The following PLEKHA5 variants were observed in gnomAD, a reference collection of about 807,000 sequenced individuals.
PLEKHA5 encodes the protein pleckstrin homology domain-containing family A member 5.
Under a neutral mutation model 181.9 loss-of-function variants are expected in PLEKHA5, and 55 were observed. That is an observed-to-expected ratio of 0.30 (90% confidence interval 0.24 to 0.38). The LOEUF (loss-of-function observed/expected upper bound fraction) is 0.38. Among genes scored for constraint, PLEKHA5 ranks in the 10% least tolerant of loss-of-function variants. The pLI, the probability that PLEKHA5 is intolerant of heterozygous loss-of-function variation, is 1.00. For synonymous variants in PLEKHA5, 535 were observed against 529.4 expected (o/e 1.01, Z -0.15); for missense variants, 1,432 against 1,549.5 (o/e 0.92, Z 1.27).
chr12:19,283,149 CAA>C (rs34391812), intron 11 of PLEKHA5, 129 bp from the exon 12 acceptor site: 4,405 of 200,632 alleles, frequency 0.022, no homozygotes, highest in East Asian at 0.053. Context: ...TCTTGTCTCC[CAA>C]AAAAAAAAAA....
intron 20 of PLEKHA5, among the ~76,000 whole-genome samples, chr12:19,331,098 A>G (rs1326659778): frequency 6.6e-6 from 1 of 152,154 alleles, no homozygotes; most frequent in Non-Finnish European, 1.5e-5. Context: ...CAGAAGTAAA[A>G]CAGTTTATTA....
chr12:19,259,915 A>C (rs1182931239), intron 6 of PLEKHA5, among the ~76,000 whole-genome samples: 2 of 152,006 alleles, frequency 1.3e-5, no homozygotes, highest in African/African-American at 4.8e-5. Flanking sequence ...GCTAGAAATA[A>C]ATTTAGAAAT....
At chr12:19,146,321 C>T (rs555569857) in intron 3 of PLEKHA5, among the ~76,000 whole-genome samples, 186 of 152,258 alleles carry the variant, frequency 1.2e-3, no homozygotes, top group Middle Eastern at 6.8e-3. Flanking sequence ...ATTTATTGCC[C>T]ATTTGAATCT....
intron 21 of PLEKHA5, among the ~76,000 whole-genome samples, chr12:19,340,859 G>A (rs2093853234): frequency 1.4e-5 from 2 of 147,334 alleles, no homozygotes; most frequent in African/African-American, 2.5e-5. Context: ...AGAGACCTTT[G>A]TTCACTTATC....
intron 20 of PLEKHA5, among the ~76,000 whole-genome samples, chr12:19,332,293 CCCT>C (rs1239605686): frequency 1.3e-5 from 2 of 152,086 alleles, no homozygotes; most frequent in African/African-American, 4.8e-5. Context: ...CTGCAGCAAT[CCCT>C]CCTCCTGCCC....
At chr12:19,152,881 G>A (rs1392314980) in intron 3 of PLEKHA5, 1 of 151,968 alleles carries the variant, frequency 6.6e-6, no homozygotes, top group South Asian at 2.1e-4. Flanking sequence ...TAATATGTGT[G>A]GCAAATTTAC....
At chr12:19,232,641 A>G (rs190947534) in intron 3 of PLEKHA5, among the ~76,000 whole-genome samples, 11 of 152,286 alleles carry the variant, frequency 7.2e-5, no homozygotes, top group Admixed American at 3.9e-4. Context: ...CTTTCTCATT[A>G]TAAATGGTCT....
chr12:19,209,388 T>C (rs559734497), intron 3 of PLEKHA5, among the ~76,000 whole-genome samples: 1 of 152,130 alleles, frequency 6.6e-6, no homozygotes, highest in African/African-American at 2.4e-5. Flanking sequence ...AAGGAAAAAA[T>C]AAATCTTGTT....
At chr12:19,132,741 G>A (rs1481611039) in intron 3 of PLEKHA5, among the ~76,000 whole-genome samples, 1 of 142,218 alleles carries the variant, frequency 7.0e-6, no homozygotes, top group East Asian at 2.0e-4. Context: ...TTTTGGAATC[G>A]TCCAGCTTCA....
rs748253554 is a variant in PLEKHA5, at chr12:19,287,505, A to C, written c.1812A>C (p.Pro604=). 3.7e-6 allele frequency: 6 copies of C among 1,612,112 alleles called. No individual in the cohort carries two copies. The South Asian group carries it at 5.5e-5, about 15-fold the overall frequency. ...HVYVPDRRSV[P]AGLTLQSVSP... Reference sequence around the variant, plus strand: ...ATGTGCCTGACAGAAGGTCAGTGCCAGCTGGCCTGACTTTACAGTCTGTTA... The same window carrying C: ...ATGTGCCTGACAGAAGGTCAGTGCCCGCTGGCCTGACTTTACAGTCTGTTA... The change falls in exon 13 of 32, where the codon CCA becomes CCC. Residue 604 remains proline (P), a synonymous_variant. Transcript: ENST00000429027.
chr12:19,186,117 T>C (rs1440630634), intron 3 of PLEKHA5, among the ~76,000 whole-genome samples: 2 of 152,166 alleles, frequency 1.3e-5, no homozygotes, highest in East Asian at 3.9e-4. Context: ...ATACTAATAA[T>C]AAGGCTAGTT....
intron 26 of PLEKHA5, among the ~76,000 whole-genome samples, chr12:19,354,888 A>G (rs1186539196): frequency 6.6e-6 from 1 of 152,130 alleles, no homozygotes; most frequent in Non-Finnish European, 1.5e-5. Flanking sequence ...CGTAGTCCAC[A>G]ATTTGTAGAA....
chr12:19,371,441 A>G (rs2095573441), intron 31 of PLEKHA5: 1 of 152,734 alleles, frequency 6.5e-6, no homozygotes, highest in Non-Finnish European at 1.5e-5. Context: ...TGTATGTTGT[A>G]CCCAATCCTT....
chr12:19,216,746 C>T (rs10841182), intron 3 of PLEKHA5, among the ~76,000 whole-genome samples: 127,351 of 151,692 alleles, frequency 0.84, 54,863 homozygotes, highest in Non-Finnish European at 0.95. Flanking sequence ...GGCTAAGAAC[C>T]GTTATTAGGA....
intron 10 of PLEKHA5, among the ~76,000 whole-genome samples, chr12:19,271,890 T>G (rs1296091682): frequency 6.6e-6 from 1 of 152,216 alleles, no homozygotes; most frequent in Non-Finnish European, 1.5e-5. Flanking sequence ...ATGTGTTTTC[T>G]TCTACTCCTA....
At chr12:19,217,169 T>C (rs2058121792) in intron 3 of PLEKHA5, among the ~76,000 whole-genome samples, 2 of 152,212 alleles carry the variant, frequency 1.3e-5, no homozygotes, top group Admixed American at 1.3e-4. Flanking sequence ...AAGGGATACA[T>C]GGGGTTTTTC....
At chr12:19,163,378 T>C (rs1418074804) in intron 3 of PLEKHA5, among the ~76,000 whole-genome samples, 1 of 152,014 alleles carries the variant, frequency 6.6e-6, no homozygotes, top group Non-Finnish European at 1.5e-5. Context: ...GGGATTTCAC[T>C]GTGTTAGCCA....
chr12:19,344,633 T>C (rs1413493766), intron 22 of PLEKHA5, among the ~76,000 whole-genome samples: 1 of 152,222 alleles, frequency 6.6e-6, no homozygotes, highest in African/African-American at 2.4e-5. Context: ...GTTTTCCATT[T>C]GGATAACTGC....
chr12:19,148,301 C>T (rs967268805), intron 3 of PLEKHA5, among the ~76,000 whole-genome samples: 1 of 152,216 alleles, frequency 6.6e-6, no homozygotes, highest in African/African-American at 2.4e-5. Flanking sequence ...AAGTGATCCA[C>T]CCGCCTTGGC....
Sources: gnomAD v4.1 joint callset for allele counts (sites outside exome capture counted in the v4.1 genomes callset) on GRCh38, gnomAD v4.1.1 for gene constraint, MANE v1.5 for transcripts, NCBI Gene and HGNC (gene_info 2026-07-23, HGNC 2026-07-21) for gene names.